Variants in SNX29 observed in about 807,000 individuals in gnomAD.
SNX29 encodes the protein sorting nexin-29.
Under a neutral mutation model 102.1 loss-of-function variants are expected in SNX29, and 78 were observed. The observed-to-expected ratio is 0.76, with a 90% CI of 0.64 to 0.92. The LOEUF is 0.92. Ranked by LOEUF, SNX29 falls within the 40% of genes least tolerant of loss-of-function variation. SNX29 has a pLI of 0.00. For missense variants in SNX29, 1,280 were observed against 1,061.7 expected, an observed-to-expected ratio of 1.21 and a Z score of -2.86; for synonymous variants, 580 against 414.5, an observed-to-expected ratio of 1.40 and a Z score of -4.85.
chr16:12,466,799 G>A (rs756968888), intron 18 of SNX29, among the ~76,000 whole-genome samples: 37 of 152,336 alleles, frequency 2.4e-4, no homozygotes, highest in Middle Eastern at 3.4e-3. Flanking sequence ...TTGGGTCCTC[G>A]GTGGGCTCCG....
At chr16:12,458,540 A>G (rs1414005028) in intron 18 of SNX29, among the ~76,000 whole-genome samples, 2 of 152,154 alleles carry the variant, frequency 1.3e-5, no homozygotes, top group Non-Finnish European at 1.5e-5. Flanking sequence ...TTAGACAGCT[A>G]TCACTGGTCC....
intron 20 of SNX29, among the ~76,000 whole-genome samples, chr16:12,564,741 A>C (rs541296922): frequency 1.3e-5 from 2 of 151,922 alleles, no homozygotes; most frequent in South Asian, 4.2e-4. Context: ...GTTGTGCCTA[A>C]CAACTGTCTG....
At chr16:12,443,957 C>T (rs774149840) in intron 18 of SNX29, among the ~76,000 whole-genome samples, 10 of 151,978 alleles carry the variant, frequency 6.6e-5, no homozygotes, top group African/African-American at 1.9e-4. Flanking sequence ...GCATCTAGCA[C>T]GTAATAAGCA....
intron 13 of SNX29, among the ~76,000 whole-genome samples, chr16:12,194,943 C>T (rs537487594): frequency 4.6e-5 from 7 of 152,226 alleles, no homozygotes; most frequent in Admixed American, 3.9e-4. Context: ...TATTTCTAAC[C>T]TCTTCATACA....
intron 20 of SNX29, among the ~76,000 whole-genome samples, chr16:12,559,570 A>C (rs563496187): frequency 1.3e-5 from 2 of 152,008 alleles, no homozygotes; most frequent in Non-Finnish European, 2.9e-5. Context: ...TTTCTTATAC[A>C]TAACTCATCC....
intron 15 of SNX29, among the ~76,000 whole-genome samples, chr16:12,281,870 A>T (rs937228208): frequency 6.6e-6 from 1 of 152,044 alleles, no homozygotes; most frequent in African/African-American, 2.4e-5. Flanking sequence ...TAGGAGTTCG[A>T]GAGTAGCCTG....
At chr16:12,344,124 G>A (rs185337360) in intron 15 of SNX29, among the ~76,000 whole-genome samples, 236 of 152,204 alleles carry the variant, frequency 1.6e-3, no homozygotes, top group African/African-American at 5.4e-3. Context: ...CATGCCTTTC[G>A]CCTTCTGCCA....
chr16:12,233,915 AT>A (rs1372929521), intron 14 of SNX29, among the ~76,000 whole-genome samples: 1 of 152,168 alleles, frequency 6.6e-6, no homozygotes, highest in African/African-American at 2.4e-5. Flanking sequence ...GTTTATCTAC[AT>A]TGTAGCATGT....
intron 15 of SNX29, among the ~76,000 whole-genome samples, chr16:12,327,966 C>T (rs527409514): frequency 5.3e-5 from 8 of 152,252 alleles, no homozygotes; most frequent in Middle Eastern, 3.4e-3. Flanking sequence ...GAACCCCACC[C>T]GGAGACCATA....
At chr16:12,124,706 G>A (rs2054129239) in intron 11 of SNX29, among the ~76,000 whole-genome samples, 1 of 152,174 alleles carries the variant, frequency 6.6e-6, no homozygotes, top group African/African-American at 2.4e-5. Context: ...TGCATTTGTG[G>A]ATGAATCCAT....
chr16:12,386,434 C>T (rs1175976179), intron 16 of SNX29, among the ~76,000 whole-genome samples: 2 of 152,304 alleles, frequency 1.3e-5, no homozygotes, highest in Non-Finnish European at 2.9e-5. Context: ...GCCACTTGCC[C>T]TGCTCACAGA....
chr16:12,476,513 A>G (rs1304692649), intron 18 of SNX29, among the ~76,000 whole-genome samples: 5 of 142,166 alleles, frequency 3.5e-5, no homozygotes, highest in Non-Finnish European at 7.6e-5. Flanking sequence ...AGAGATGGGT[A>G]TTTCTCGTTT....
chr16:11,982,423 GTT>G (rs60761477), intron 1 of SNX29, among the ~76,000 whole-genome samples: 126 of 120,338 alleles, frequency 1.0e-3, no homozygotes, highest in South Asian at 3.4e-3. Context: ...CTTTCCATCA[GTT>G]TTTTTTTTTT....
intron 14 of SNX29, among the ~76,000 whole-genome samples, chr16:12,244,948 G>T (rs1035131926): frequency 6.6e-6 from 1 of 152,162 alleles, no homozygotes; most frequent in African/African-American, 2.4e-5. Flanking sequence ...CAATTTATTA[G>T]CAGATCTAAT....
intron 16 of SNX29, among the ~76,000 whole-genome samples, chr16:12,394,922 G>A (rs778891357): frequency 3.4e-4 from 52 of 152,246 alleles, no homozygotes; most frequent in Non-Finnish European, 6.6e-4. Flanking sequence ...GGGTGGTGGT[G>A]GTGTCATGCT....
chr16:12,449,337 G>A (rs907097029), intron 18 of SNX29, among the ~76,000 whole-genome samples: 1 of 151,720 alleles, frequency 6.6e-6, no homozygotes, highest in Admixed American at 6.6e-5. Context: ...GCACGGTGGG[G>A]ACAAGCAGAG....
chr16:12,458,657 A>G (rs1254823963), intron 18 of SNX29, among the ~76,000 whole-genome samples: 1 of 152,182 alleles, frequency 6.6e-6, no homozygotes, highest in Non-Finnish European at 1.5e-5. Context: ...GGAGCTTTGA[A>G]TTGTGTAGAT....
At chr16:12,560,407 C>CTTTTGGGGATT in intron 20 of SNX29, among the ~76,000 whole-genome samples, 1 of 152,240 alleles carries the variant, frequency 6.6e-6, no homozygotes, top group Admixed American at 6.6e-5. Context: ...CCCCAAAAGC[C>CTTTTGGGGATT]ACAGTGTCTG....
chr16:12,433,361 T>G (rs2085392959), intron 18 of SNX29, among the ~76,000 whole-genome samples: 1 of 152,146 alleles, frequency 6.6e-6, no homozygotes, highest in South Asian at 2.1e-4. Flanking sequence ...CCGGGCGCAG[T>G]GGCTCACACT....
Sources: gnomAD v4.1 joint callset for allele counts (sites outside exome capture counted in the v4.1 genomes callset) on GRCh38, gnomAD v4.1.1 for gene constraint, MANE v1.5 for transcripts, NCBI Gene and HGNC (gene_info 2026-07-23, HGNC 2026-07-21) for gene names.